MMP20: variants seen among roughly 807,000 people sequenced by gnomAD.
The protein encoded by MMP20 is matrix metalloproteinase-20.
Under a neutral mutation model 51.8 loss-of-function variants are expected in MMP20, and 50 were observed. That is an observed-to-expected ratio of 0.97 (90% CI 0.77 to 1.22). The LOEUF (loss-of-function observed/expected upper bound fraction) is 1.22, where lower values mean the gene tolerates loss of function less well. Ranked by LOEUF, MMP20 falls within the 50% of genes most tolerant of loss-of-function variation. The pLI is 0.00. For missense variants in MMP20, 663 were observed against 601.4 expected (o/e 1.10, Z -1.07); for synonymous variants, 244 against 216.2 (o/e 1.13, Z -1.13).
At chr11:102,594,909 T>TA (rs1859364010) in intron 6 of MMP20, 152 bp from the exon 7 acceptor site, 1 of 132,950 alleles carries the variant, frequency 7.5e-6, no homozygotes, top group Non-Finnish European at 1.1e-5. Flanking sequence ...TTCTCTTTTC[T>TA]TTTTTTTTTT....
At chr11:102,608,319 G>T (rs1017861930) in intron 5 of MMP20, among the ~76,000 whole-genome samples, 15 of 152,214 alleles carry the variant, frequency 9.9e-5, no homozygotes, top group African/African-American at 2.9e-4. Context: ...AAGGAAAATT[G>T]GATACAGAGT....
At chr11:102,604,282 C>T (rs1033310407) in intron 6 of MMP20, among the ~76,000 whole-genome samples, 3 of 152,150 alleles carry the variant, frequency 2.0e-5, no homozygotes, top group African/African-American at 4.8e-5. Context: ...GCTCCAAGCT[C>T]CTCCTGCCCT....
At chr11:102,611,172 A>G (rs1043826351) in intron 3 of MMP20, among the ~76,000 whole-genome samples, 3 of 152,218 alleles carry the variant, frequency 2.0e-5, no homozygotes, top group Non-Finnish European at 4.4e-5. Context: ...GCTTGAAATG[A>G]CAAGGACACT....
chr11:102,620,167 A>G (rs558422144), intron 1 of MMP20, among the ~76,000 whole-genome samples: 4 of 152,296 alleles, frequency 2.6e-5, no homozygotes, highest in African/African-American at 9.6e-5. Flanking sequence ...TGTTTGACTC[A>G]GTTCTAGGCT....
intron 8 of MMP20, among the ~76,000 whole-genome samples, chr11:102,580,337 A>G (rs578047108): frequency 5.6e-4 from 85 of 152,362 alleles, no homozygotes; most frequent in Non-Finnish European, 2.6e-4. Flanking sequence ...GGACACTCCC[A>G]GGTGGACACC....
chr11:102,579,924 C>A (rs1011490081), intron 8 of MMP20, among the ~76,000 whole-genome samples: 2 of 152,146 alleles, frequency 1.3e-5, no homozygotes, highest in African/African-American at 2.4e-5. Flanking sequence ...TTCATAGGTG[C>A]TTTTATTCAT....
chr11:102,586,684 G>A (rs760526713), intron 8 of MMP20, among the ~76,000 whole-genome samples: 16 of 152,058 alleles, frequency 1.1e-4, no homozygotes, highest in Admixed American at 3.3e-4. Context: ...GGGCATGGTG[G>A]CGGGTGCCTG....
chr11:102,611,087 C>A (rs1284898841), intron 3 of MMP20, among the ~76,000 whole-genome samples: 1 of 152,226 alleles, frequency 6.6e-6, no homozygotes, highest in African/African-American at 2.4e-5. Flanking sequence ...ATTCTCAGGA[C>A]TTGCTTGATC....
intron 6 of MMP20, among the ~76,000 whole-genome samples, chr11:102,604,033 G>C (rs1194545058): frequency 2.3e-5 from 3 of 130,286 alleles, no homozygotes; most frequent in Non-Finnish European, 5.0e-5. Context: ...TTTTTTTTTT[G>C]CTTTTTTTTA....
Position 102,606,563 on chromosome 11 carries a change from C to T in MMP20, c.925G>A (p.Gly309Arg), listed in dbSNP as rs776429623. The change falls in exon 6 of 10, where the codon GGG (glycine) becomes AGG (arginine). Residue 309 changes from glycine (G) to arginine (R), a missense_variant. By Grantham distance (125) the Gly-to-Arg change is moderately radical. Transcript: ENST00000260228. ...TCCTTGAAGAGCAGGAGCTCCTTCC[C>T]CAGCATTGTCACAGCGTCAAAGGAT... Reference protein sequence around the residue: ...SSSFDAVTMLGKELLLFKDRI... With the variant: ...SSSFDAVTMLRKELLLFKDRI... 9.3e-6 allele frequency: 15 copies of T among 1,613,954 alleles called. No individual in the cohort carries two copies. In the South Asian group the frequency reaches 1.5e-4, roughly 17 times the overall value.
intron 9 of MMP20, 113 bp downstream of exon 9, chr11:102,578,926 A>T: frequency 2.6e-6 from 2 of 778,482 alleles, no homozygotes; most frequent in South Asian, 2.8e-5. Context: ...ACCTAAGACC[A>T]AATATAAAAA....
chr11:102,588,104 T>C (rs1859274804), intron 8 of MMP20, among the ~76,000 whole-genome samples: 2 of 152,142 alleles, frequency 1.3e-5, no homozygotes, highest in Admixed American at 1.3e-4. Flanking sequence ...TGTTTAACTG[T>C]ATTTTCCTAA....
chr11:102,594,862 A>G (rs1859362872), intron 6 of MMP20, 105 bp from the exon 7 acceptor site: 1 of 1,413,282 alleles, frequency 7.1e-7, no homozygotes, highest in Non-Finnish European at 9.7e-7. Context: ...CACTCACTAA[A>G]TGCCCTTTGC....
intron 7 of MMP20, 41 bp downstream of exon 7, chr11:102,594,580 G>T (rs776180218): frequency 3.1e-6 from 5 of 1,610,456 alleles, no homozygotes; most frequent in Non-Finnish European, 4.2e-6. Flanking sequence ...ATGGGGCACT[G>T]CAGCCCTGCC....
intron 8 of MMP20, chr11:102,583,603 G>A (rs1245040061): frequency 6.6e-6 from 1 of 152,154 alleles, no homozygotes; most frequent in Non-Finnish European, 1.5e-5. Flanking sequence ...GTACACTCTA[G>A]GATGTTCACT....
In MMP20 at chr11:102,616,906, C is replaced by T. The variant is rs757659215; in HGVS notation, c.280G>A (p.Val94Met). ...TGKLDQTTMN[V>M]IKKPRCGVPD... ...ACTCCACAGCGAGGCTTCTTGATCA[C>T]GTTCATTGTGGTCTGGTCTAACTTC... is the stretch of plus-strand genomic sequence containing the variant. The change falls in exon 2 of 10, where the codon GTG becomes ATG. Residue 94 changes from valine to methionine, a missense_variant. Physicochemically the swap from Val to Met is conservative, Grantham distance 21. Coordinates refer to ENST00000260228, the MANE Select transcript of MMP20 (RefSeq NM_004771.4). 8.5e-5 allele frequency: 137 copies of T among 1,614,086 alleles called. 1 individual carries two copies. The highest frequency in any genetic ancestry group is 3.3e-4 in the Middle Eastern group (2 of 6,084).
At position 102,608,990 on chromosome 11, in the gene MMP20, G is replaced by T. The variant is rs368896831; in HGVS notation, c.758C>A (p.Pro253His). The change falls in exon 5 of 10, where the codon CCC becomes CAC. Residue 253 changes from proline (P) to histidine (H), a missense_variant. Pro to His is a moderately conservative substitution (Grantham distance 77). Transcript: ENST00000260228. ...ATCTTTGGGGAGGTGGAATCCATAGGGATTCTTGTACTTATAAGTTGGGTA... is the reference window on the plus strand; with the variant it reads ...ATCTTTGGGGAGGTGGAATCCATAGTGATTCTTGTACTTATAAGTTGGGTA... ...LMYPTYKYKN[P>H]YGFHLPKDDV... is the part of the protein sequence containing the mutation. The T allele has an allele frequency of 6.2e-7, 1 of 1,614,140 alleles. No individual in the cohort carries two copies. The highest frequency in any genetic ancestry group is 1.3e-5 in the African/African-American group (1 of 75,036).
intron 6 of MMP20, among the ~76,000 whole-genome samples, chr11:102,601,699 T>C (rs1859448139): frequency 6.6e-6 from 1 of 152,226 alleles, no homozygotes; most frequent in Non-Finnish European, 1.5e-5. Flanking sequence ...TTAAATCTGA[T>C]ACATCTAACC....
At chr11:102,623,347 C>A (rs1591627275) in intron 1 of MMP20, among the ~76,000 whole-genome samples, 1 of 152,312 alleles carries the variant, frequency 6.6e-6, no homozygotes, top group South Asian at 2.1e-4. Flanking sequence ...GGCGGGCCAG[C>A]ATTACTTCCT....
Sources: allele counts gnomAD v4.1 joint callset (sites outside exome capture counted in the v4.1 genomes callset), GRCh38; gene constraint gnomAD v4.1.1; transcripts MANE v1.5; gene names NCBI Gene and HGNC (gene_info 2026-07-23, HGNC 2026-07-21).